The following DBT variants were observed in gnomAD, a reference collection of about 807,000 sequenced individuals.
The protein encoded by DBT is lipoamide acyltransferase component of branched-chain alpha-keto acid dehydrogenase complex, mitochondrial.
In DBT, 40 loss-of-function variants were observed where a neutral mutation model predicts 51.3. That is an observed-to-expected ratio of 0.78 (90% CI 0.61 to 1.02). The LOEUF (loss-of-function observed/expected upper bound fraction) is 1.02, where lower values mean the gene tolerates loss of function less well. Among genes scored for constraint, DBT ranks in the 50% least tolerant of loss-of-function variants. The pLI is 0.00. For missense variants in DBT, 510 were observed against 580.2 expected (o/e 0.88, Z 1.24); for synonymous variants, 181 against 190.4 (o/e 0.95, Z 0.41).
chr1:100,243,777 G>A (rs1664370520), intron 1 of DBT, among the ~76,000 whole-genome samples: 1 of 152,054 alleles, frequency 6.6e-6, no homozygotes, highest in Admixed American at 6.6e-5. Flanking sequence ...TAAATTTGAT[G>A]TCAAAGACCC....
At chr1:100,214,688 A>T (rs1662379797) in intron 7 of DBT, 129 bp downstream of exon 7, 2 of 868,744 alleles carry the variant, frequency 2.3e-6, no homozygotes, top group Non-Finnish European at 3.8e-6. Context: ...CGGAAGGTGG[A>T]GGTTGCAGTG....
chr1:100,246,264 AT>A (rs1664536303), intron 1 of DBT, among the ~76,000 whole-genome samples: 2 of 152,350 alleles, frequency 1.3e-5, no homozygotes, highest in African/African-American at 4.8e-5. Context: ...CTCAAAAAAA[AT>A]AAAAATAAAA....
At chr1:100,204,760 T>G (rs575751958) in intron 10 of DBT, among the ~76,000 whole-genome samples, 1 of 152,020 alleles carries the variant, frequency 6.6e-6, no homozygotes, top group African/African-American at 2.4e-5. Context: ...AACAGAGAGA[T>G]AGACCAATGG....
intron 7 of DBT, chr1:100,210,976 TAAA>T: frequency 1.0e-6 from 1 of 955,214 alleles, no homozygotes; most frequent in East Asian, 2.6e-5. Context: ...CATTAAAGAA[TAAA>T]AGATAAAGTA....
At chr1:100,243,150 T>C (rs1291899306) in intron 1 of DBT, among the ~76,000 whole-genome samples, 1 of 149,774 alleles carries the variant, frequency 6.7e-6, no homozygotes, top group Non-Finnish European at 1.5e-5. Flanking sequence ...TAGTCCCAGC[T>C]ACTTGGGAGG....
Position 100,215,990 on chromosome 1 carries a change from G to C in DBT, c.765C>G (p.Pro255=). The change falls in exon 6 of 11, where the codon CCC becomes CCG. Residue 255 remains proline, a synonymous_variant. Coordinates refer to ENST00000370132, the MANE Select transcript of DBT (RefSeq NM_001918.5). ...PVFTGKDKTE[P]IKGFQKAMVK... Reference sequence around the variant, plus strand: ...TGTTATTATTATCATTACCTTTTATGGGTTCTGTTTTGTCTTTGCCTGTGA... The same window carrying C: ...TGTTATTATTATCATTACCTTTTATCGGTTCTGTTTTGTCTTTGCCTGTGA... The C allele has an allele frequency of 6.4e-7, 1 of 1,558,098 alleles. No individual in the cohort carries two copies. The highest frequency in any genetic ancestry group is 8.9e-7 in the Non-Finnish European group (1 of 1,129,202).
chr1:100,211,636 A>T (rs998111319), intron 7 of DBT, among the ~76,000 whole-genome samples: 6 of 152,196 alleles, frequency 3.9e-5, no homozygotes, highest in African/African-American at 1.4e-4. Flanking sequence ...CTTGAACTAG[A>T]GAGTTAAGAA....
chr1:100,232,281 AG>A, intron 3 of DBT, among the ~76,000 whole-genome samples: 1 of 121,070 alleles, frequency 8.3e-6, no homozygotes, highest in Non-Finnish European at 1.8e-5. Context: ...TCATAAGTCA[AG>A]GAGCATCTGG....
At position 100,206,297 on chromosome 1, in the gene DBT, C is replaced by A. The variant is rs759709233; in HGVS notation, c.1214G>T (p.Gly405Val). The stretch of plus-strand genomic sequence containing the variant: ...TATCACTGGTTTGGCAAAGGTACCA[C>A]CAATCTATTTTTTAAAAAAAAAAAA... The part of the protein sequence containing the change: ...TFTLSNIGSI[G>V]GTFAKPVIMP... Residue 405 changes from glycine to valine, a missense_variant, in exon 10 of 11, where the codon GGT becomes GTT. By Grantham distance (109) the Gly-to-Val change is moderately radical (BLOSUM62 -3). Coordinates refer to ENST00000370132, the MANE Select transcript of DBT (RefSeq NM_001918.5). The A allele has an allele frequency of 6.2e-7, 1 of 1,608,366 alleles. No individual in the cohort carries two copies. Among genetic ancestry groups the A allele is most frequent in the East Asian group, 2.2e-5 (1 of 44,796 alleles).
Position 100,189,693 on chromosome 1 carries a change from C to G in DBT, c.*6562G>C, listed in dbSNP as rs896275774. 5.9e-5 allele frequency: 9 copies of G among 152,184 alleles called. No homozygotes were observed. The highest frequency in any genetic ancestry group is 2.2e-4 in the African/African-American group (9 of 41,446). The allele number at this position is 152,184 out of a possible 1,614,324, so 9.4% of individuals were successfully genotyped here. ...GAAGGAGCAAGACAGGAAATTTATT[C>G]ATTTAGTGGCAGTCAGAGGTAACAA... On this transcript the variant is annotated 3_prime_UTR_variant, in exon 11 of 11. Coordinates refer to ENST00000370132, the MANE Select transcript of DBT (RefSeq NM_001918.5).
Position 100,242,307 on chromosome 1 carries a change from T to G in DBT, c.52-1423A>C, listed in dbSNP as rs1386823105. Among the ~76,000 whole-genome samples, 5 of 152,152 alleles carry G rather than the reference T, an allele frequency of 3.3e-5. No homozygotes were observed. The East Asian group carries it at 7.7e-4, about 23-fold the overall frequency. On this transcript the variant is annotated intron_variant, in intron 1 of 10. Transcript: ENST00000370132. ...TAGTACAGTCATGTTTTAATACATA[T>G]TTATAAACTAGAATTTTTGTTTTTT... is the stretch of plus-strand genomic sequence containing the variant.
intron 4 of DBT, among the ~76,000 whole-genome samples, chr1:100,222,382 G>A (rs1295022026): frequency 6.6e-6 from 1 of 152,184 alleles, no homozygotes; most frequent in African/African-American, 2.4e-5. Context: ...TAATGCATAT[G>A]TAAAGTGTTA....
At chr1:100,206,174 G>C (rs1034648307) in intron 10 of DBT, 56 bp downstream of exon 10, 153 of 1,158,092 alleles carry the variant, frequency 1.3e-4, no homozygotes, top group Middle Eastern at 3.9e-4. Context: ...ACTCTTCATT[G>C]TGTTTAGTCC....
At chr1:100,218,062 A>G (rs565756064) in intron 5 of DBT, among the ~76,000 whole-genome samples, 1 of 152,290 alleles carries the variant, frequency 6.6e-6, no homozygotes, top group South Asian at 2.1e-4. Context: ...TCCACCTTCC[A>G]TTCAGTCAAT....
In DBT at chr1:100,196,436, A is replaced by AAAAAAAAAAAC; in HGVS notation, c.1282-15_1282-14insGTTTTTTTTTT. ...TCGGGGAATGGCCTAGAAATGAAAA[A>AAAAAAAAAAAC]AAAAAAAAAAAAAAAAAAAAAAAGA... On this transcript the variant is annotated splice_polypyrimidine_tract_variant and intron_variant, in intron 10 of 10. Coordinates refer to ENST00000370132, the MANE Select transcript of DBT (RefSeq NM_001918.5). 1 of 170,772 alleles carries AAAAAAAAAAAC rather than the reference A, an allele frequency of 5.9e-6. No individual in the cohort carries two copies. The highest frequency in any genetic ancestry group is 1.0e-5 in the Non-Finnish European group (1 of 97,426). 10.6% of individuals were successfully genotyped at this position (170,772 alleles called of 1,614,324 possible).
At chr1:100,205,444 G>A (rs923832186) in intron 10 of DBT, among the ~76,000 whole-genome samples, 1 of 152,184 alleles carries the variant, frequency 6.6e-6, no homozygotes, top group Non-Finnish European at 1.5e-5. Context: ...AAAAAGGCAG[G>A]AAATAACAGA....
In DBT at chr1:100,240,844, A is replaced by G. The variant is rs1187812064; in HGVS notation, c.92T>C (p.Val31Ala). 3 of 1,613,096 alleles carry G rather than the reference A, an allele frequency of 1.9e-6. No homozygotes were observed. Among genetic ancestry groups the G allele is most frequent in the Non-Finnish European group, 2.5e-6 (3 of 1,179,152 alleles). Reference protein sequence around the residue: ...RYFQTCGNVHVLKPNYVCFFG... With the variant: ...RYFQTCGNVHALKPNYVCFFG... ...GAAACACACATAATTTGGCTTCAAA[A>G]CATGAACATTACCACATGTTTGAAA... The change falls in exon 2 of 11, where the codon GTT (valine) becomes GCT (alanine). Residue 31 changes from valine (V) to alanine (A), a missense_variant. Transcript: ENST00000370132.
chr1:100,229,537 A>G (rs946145638), intron 4 of DBT, among the ~76,000 whole-genome samples: 3 of 152,210 alleles, frequency 2.0e-5, no homozygotes, highest in Non-Finnish European at 4.4e-5. Context: ...TAATAAGTGT[A>G]AAAAGTTTTA....
intron 9 of DBT, 30 bp downstream of exon 9, chr1:100,206,415 T>C (rs1433112509): frequency 2.6e-6 from 4 of 1,561,922 alleles, no homozygotes; most frequent in Non-Finnish European, 3.5e-6. Flanking sequence ...CCTTAAGTAA[T>C]GGTTTATGTA....
Sources: allele counts gnomAD v4.1 joint callset (sites outside exome capture counted in the v4.1 genomes callset), GRCh38; gene constraint gnomAD v4.1.1; transcripts MANE v1.5; gene names NCBI Gene and HGNC (gene_info 2026-07-23, HGNC 2026-07-21).